Variants in ACBD6 observed in about 807,000 individuals in gnomAD.
The protein encoded by ACBD6 is acyl-CoA-binding domain-containing protein 6.
Under a neutral mutation model 37.2 loss-of-function variants are expected in ACBD6, and 28 were observed. The observed-to-expected ratio is 0.75, with a 90% CI of 0.56 to 1.03. The LOEUF is 1.03. Among genes scored for constraint, ACBD6 ranks in the 50% least tolerant of loss-of-function variants. The pLI is 0.00. For missense variants in ACBD6, 340 were observed against 337.4 expected, an observed-to-expected ratio of 1.01 and a Z score of -0.06; for synonymous variants, 113 against 126.8, an observed-to-expected ratio of 0.89 and a Z score of 0.73.
chr1:180,457,171 A>G (rs1173564459), intron 3 of ACBD6, among the ~76,000 whole-genome samples: 6 of 152,156 alleles, frequency 3.9e-5, no homozygotes, highest in Admixed American at 1.3e-4. Flanking sequence ...TGTAGGGGCA[A>G]GAGATCCACG....
chr1:180,288,540 T>C (rs1649577622), intron 7 of ACBD6, 23 bp from the exon 8 acceptor site: 2 of 1,606,982 alleles, frequency 1.2e-6, no homozygotes, highest in Non-Finnish European at 1.7e-6. Context: ...TTGACAAATA[T>C]GAAAACAAGT....
intron 6 of ACBD6, among the ~76,000 whole-genome samples, chr1:180,325,835 G>C (rs1210247289): frequency 1.3e-5 from 2 of 152,206 alleles, no homozygotes; most frequent in Non-Finnish European, 2.9e-5. Flanking sequence ...TGGATTATCA[G>C]ACAGAGACTC....
chr1:180,483,684 T>C (rs1416372337), intron 3 of ACBD6, among the ~76,000 whole-genome samples: 2 of 152,214 alleles, frequency 1.3e-5, no homozygotes, highest in African/African-American at 2.4e-5. Flanking sequence ...GATACAATTA[T>C]ATATGCAAAA....
At chr1:180,380,922 A>G (rs1234771291) in intron 6 of ACBD6, among the ~76,000 whole-genome samples, 2 of 152,210 alleles carry the variant, frequency 1.3e-5, no homozygotes, top group South Asian at 2.1e-4. Context: ...AAAGACACAC[A>G]GTGGCTGAAT....
intron 3 of ACBD6, among the ~76,000 whole-genome samples, chr1:180,490,684 G>A (rs535155758): frequency 4.0e-5 from 6 of 151,652 alleles, no homozygotes; most frequent in Admixed American, 3.3e-4. Context: ...TACTCAGGCG[G>A]CTGAGGCAGG....
chr1:180,271,620 G>A (rs1243256087), exon 14 of ACBD6: 3 of 1,532,434 alleles, frequency 2.0e-6, no homozygotes, highest in Admixed American at 1.7e-5. Context: ...CAGCTCACGG[G>A]TGGTTGGGCT....
chr1:180,274,436 G>A (rs772408466), intron 10 of ACBD6: 1 of 1,614,222 alleles, frequency 6.2e-7, no homozygotes, highest in Non-Finnish European at 8.5e-7. Context: ...CATTGCGCAT[G>A]CAGGGCAGGG....
At chr1:180,441,067 A>G (rs953372566) in intron 3 of ACBD6, among the ~76,000 whole-genome samples, 3 of 152,222 alleles carry the variant, frequency 2.0e-5, no homozygotes, top group African/African-American at 7.2e-5. Flanking sequence ...TCCTGTATAT[A>G]CCCAAAAGAA....
In ACBD6 at chr1:180,271,558, C is replaced by A. The variant is rs772600686; in HGVS notation, c.*1667G>T. 62 of 1,613,356 alleles carry A rather than the reference C, an allele frequency of 3.8e-5. 1 individual carries two copies. The South Asian group carries it at 6.7e-4, about 17-fold the overall frequency. On this transcript the variant is annotated 3_prime_UTR_variant, in exon 14 of 14. Transcript: ENST00000642319. Reference sequence around the variant, plus strand: ...AGGTGAGATGCCAGCACTCCTGTGCCCTCCGGGGATCCCAGGCCCGGGACA... The same window carrying A: ...AGGTGAGATGCCAGCACTCCTGTGCACTCCGGGGATCCCAGGCCCGGGACA...
rs1652019963 is a variant in ACBD6 at position 180,502,338 on chromosome 1, G to A, written c.-72C>T. 1.3e-6 allele frequency: 2 copies of A among 1,540,438 alleles called. No homozygotes were observed. The highest frequency in any genetic ancestry group is 1.8e-5 in the Admixed American group (1 of 54,878). ...GATTGGGTGTAAGGCCGGCTTGGAG[G>A]CCTGGCCCACCAGTCTGGGTCGCGA... On this transcript the variant is annotated 5_prime_UTR_variant, in exon 1 of 8. Coordinates refer to ENST00000367595, the MANE Select transcript of ACBD6 (RefSeq NM_032360.4).
At chr1:180,409,673 T>C (rs999153186) in intron 5 of ACBD6, among the ~76,000 whole-genome samples, 1 of 152,208 alleles carries the variant, frequency 6.6e-6, no homozygotes, top group African/African-American at 2.4e-5. Flanking sequence ...ACAGATACTT[T>C]GTGTGTTCTG....
At chr1:180,301,440 G>T (rs1162691259) in intron 7 of ACBD6, among the ~76,000 whole-genome samples, 2 of 152,124 alleles carry the variant, frequency 1.3e-5, no homozygotes, top group East Asian at 1.9e-4. Flanking sequence ...ATAAGCCATA[G>T]AAAATGCTAT....
chr1:180,436,027 G>A (rs1000671294), intron 3 of ACBD6: 91 of 708,560 alleles, frequency 1.3e-4, no homozygotes, highest in African/African-American at 1.0e-3. Flanking sequence ...AATGTTGTAC[G>A]TCTGGAATGC....
At chr1:180,287,046 AAGTC>A (rs1649525191), downstream of ACBD6, 1 of 152,098 alleles carries the variant, frequency 6.6e-6, no homozygotes, top group African/African-American at 2.4e-5. Context: ...ATAATAGTAA[AAGTC>A]AGTGAATTCC....
intron 4 of ACBD6, among the ~76,000 whole-genome samples, chr1:180,428,450 C>A (rs1648686301): frequency 6.6e-6 from 1 of 152,154 alleles, no homozygotes; most frequent in Admixed American, 6.5e-5. Context: ...TTGTTTATCA[C>A]TGTCAAAATT....
At chr1:180,301,291 C>T (rs1650119902) in intron 7 of ACBD6, among the ~76,000 whole-genome samples, 1 of 152,086 alleles carries the variant, frequency 6.6e-6, no homozygotes, top group African/African-American at 2.4e-5. Flanking sequence ...GTGCCAACTC[C>T]ACATGAATTA....
chr1:180,425,061 G>A (rs910681759), intron 4 of ACBD6, among the ~76,000 whole-genome samples: 1 of 152,150 alleles, frequency 6.6e-6, no homozygotes, highest in African/African-American at 2.4e-5. Context: ...CACTGGAAGA[G>A]GAAAAGCTCA....
intron 6 of ACBD6, among the ~76,000 whole-genome samples, chr1:180,367,265 A>C (rs149135949): frequency 6.1e-4 from 93 of 152,328 alleles, no homozygotes; most frequent in African/African-American, 2.2e-3. Flanking sequence ...GGAATGAATA[A>C]ATTTGTTTCA....
chr1:180,395,067 T>C (rs114912836), intron 6 of ACBD6, among the ~76,000 whole-genome samples: 139 of 152,338 alleles, frequency 9.1e-4, no homozygotes, highest in African/African-American at 3.3e-3. Flanking sequence ...ATAAACTATT[T>C]GGCATGGCTA....
Sources: allele counts gnomAD v4.1 joint callset (sites outside exome capture counted in the v4.1 genomes callset), GRCh38; gene constraint gnomAD v4.1.1; transcripts MANE v1.5; gene names NCBI Gene and HGNC (gene_info 2026-07-23, HGNC 2026-07-21).